IL1RAP: variants seen among roughly 807,000 people sequenced by gnomAD.
IL1RAP encodes the protein interleukin 1 receptor accessory protein.
In IL1RAP, 35 loss-of-function variants were observed where a neutral mutation model predicts 60.7. The observed-to-expected ratio is 0.58, with a 90% CI of 0.44 to 0.76. The LOEUF (loss-of-function observed/expected upper bound fraction) is 0.76, where lower values mean the gene tolerates loss of function less well. Among genes scored for constraint, IL1RAP ranks in the 30% least tolerant of loss-of-function variants. The pLI, the probability that IL1RAP is intolerant of heterozygous loss-of-function variation, is 0.00. For missense variants in IL1RAP, 572 were observed against 693.9 expected (o/e 0.82, Z 1.97); for synonymous variants, 268 against 250.9 (o/e 1.07, Z -0.64).
At chr3:190,561,015 A>G (rs1725841331) in intron 2 of IL1RAP, among the ~76,000 whole-genome samples, 1 of 152,158 alleles carries the variant, frequency 6.6e-6, no homozygotes, top group Non-Finnish European at 1.5e-5. Context: ...AATGCAGGAA[A>G]GGCTGGGAAG....
chr3:190,656,623 G>C (rs1424123611), exon 12 of IL1RAP: 5 of 1,429,922 alleles, frequency 3.5e-6, no homozygotes, highest in East Asian at 2.5e-5. Flanking sequence ...GTGTGTGGTG[G>C]GTGGTGGCTA....
intron 5 of IL1RAP, among the ~76,000 whole-genome samples, chr3:190,618,068 T>G (rs757741322): frequency 6.6e-5 from 10 of 152,208 alleles, no homozygotes; most frequent in Non-Finnish European, 1.5e-4. Flanking sequence ...TTAGCCTGTT[T>G]TAAGTGATAG....
At chr3:190,525,052 A>G (rs1722395090) in intron 1 of IL1RAP, among the ~76,000 whole-genome samples, 2 of 152,144 alleles carry the variant, frequency 1.3e-5, no homozygotes, top group Admixed American at 6.6e-5. Context: ...TTATCTATAT[A>G]TTTAGGAGTT....
At chr3:190,593,904 T>C (rs1333469177) in intron 3 of IL1RAP, among the ~76,000 whole-genome samples, 1 of 152,184 alleles carries the variant, frequency 6.6e-6, no homozygotes, top group Non-Finnish European at 1.5e-5. Context: ...TATAGGATAC[T>C]GCTAGAAAAA....
intron 3 of IL1RAP, among the ~76,000 whole-genome samples, chr3:190,603,812 G>A (rs1277886627): frequency 2.0e-5 from 3 of 152,112 alleles, no homozygotes; most frequent in African/African-American, 7.2e-5. Context: ...ACCATTCTCT[G>A]TTCCACAAAG....
chr3:190,600,085 C>T (rs1677993435), intron 3 of IL1RAP, among the ~76,000 whole-genome samples: 1 of 151,860 alleles, frequency 6.6e-6, no homozygotes, highest in Non-Finnish European at 1.5e-5. Context: ...AGATGATCTG[C>T]TCAGATTTAA....
At chr3:190,534,669 G>A (rs1247616565) in intron 1 of IL1RAP, among the ~76,000 whole-genome samples, 1 of 152,050 alleles carries the variant, frequency 6.6e-6, no homozygotes, top group Non-Finnish European at 1.5e-5. Flanking sequence ...GATACAAATG[G>A]TATGTTATTT....
intron 1 of IL1RAP, among the ~76,000 whole-genome samples, chr3:190,539,486 G>C (rs539797390): frequency 1.4e-4 from 21 of 151,980 alleles, no homozygotes; most frequent in Admixed American, 1.4e-3. Flanking sequence ...ACTTCCCCTG[G>C]TATTGCTGTT....
chr3:190,629,430 G>A lies in IL1RAP; in HGVS notation c.983G>A (p.Arg328His), dbSNP rs142111398. 1.9e-5 allele frequency: 30 copies of A among 1,613,628 alleles called. No individual in the cohort carries two copies. The highest frequency in any genetic ancestry group is 2.2e-5 in the East Asian group (1 of 44,870). Residue 328 changes from arginine to histidine, a missense_variant, in exon 9 of 12, where the codon CGC becomes CAC. Physicochemically the swap from Arg to His is conservative, Grantham distance 29. Coordinates refer to ENST00000447382, the MANE Select transcript of IL1RAP (RefSeq NM_002182.4). ...IKKVTSEDLKRSYVCHARSAK... is the reference protein window; with the variant it reads ...IKKVTSEDLKHSYVCHARSAK... Reference sequence around the variant, plus strand: ...AAAGTTACCTCTGAGGATCTCAAGCGCAGCTATGTCTGTCATGCTAGAAGT... The same window carrying A: ...AAAGTTACCTCTGAGGATCTCAAGCACAGCTATGTCTGTCATGCTAGAAGT...
chr3:190,545,832 G>A (rs1361535600), intron 1 of IL1RAP, among the ~76,000 whole-genome samples: 2 of 152,142 alleles, frequency 1.3e-5, no homozygotes, highest in African/African-American at 2.4e-5. Flanking sequence ...ATCCCTGCTA[G>A]GGTATGTATA....
intron 4 of IL1RAP, among the ~76,000 whole-genome samples, chr3:190,607,487 G>A (rs78799322): frequency 6.8e-4 from 104 of 152,172 alleles, no homozygotes; most frequent in African/African-American, 2.0e-3. Context: ...GAGGATAAGC[G>A]TACGTATCTA....
At chr3:190,623,567 T>A (rs1395194947) in intron 7 of IL1RAP, 152 bp downstream of exon 7, 2 of 667,516 alleles carry the variant, frequency 3.0e-6, no homozygotes, top group East Asian at 5.5e-5. Context: ...GCTGTGGAGA[T>A]CAGTTACTTC....
chr3:190,577,069 C>T (rs1727542829), intron 3 of IL1RAP, among the ~76,000 whole-genome samples: 1 of 149,758 alleles, frequency 6.7e-6, no homozygotes. Context: ...CCACCGCACT[C>T]CCGCCTGGGC....
At chr3:190,546,070 T>C (rs766649487) in intron 1 of IL1RAP, among the ~76,000 whole-genome samples, 1 of 152,134 alleles carries the variant, frequency 6.6e-6, no homozygotes, top group Non-Finnish European at 1.5e-5. Flanking sequence ...ATCGGTATGA[T>C]TAGCAGCTGC....
At chr3:190,652,907 T>A (rs568075340), downstream of IL1RAP, among the ~76,000 whole-genome samples, 10 of 152,290 alleles carry the variant, frequency 6.6e-5, no homozygotes, top group African/African-American at 1.9e-4. Context: ...TGATTAACCT[T>A]CCTTAAACTC....
At chr3:190,642,824 G>C (rs914907134) in intron 9 of IL1RAP, among the ~76,000 whole-genome samples, 1 of 152,118 alleles carries the variant, frequency 6.6e-6, no homozygotes, top group Non-Finnish European at 1.5e-5. Context: ...CTGGCAAATG[G>C]TAGATGTCAA....
intron 1 of IL1RAP, chr3:190,518,805 C>T (rs1266484940): frequency 6.6e-6 from 1 of 152,236 alleles, no homozygotes; most frequent in Non-Finnish European, 1.5e-5. Context: ...TGGGACAGAC[C>T]TACCCCACAT....
chr3:190,563,356 C>G (rs999082847), intron 2 of IL1RAP: 1 of 152,130 alleles, frequency 6.6e-6, no homozygotes, highest in Non-Finnish European at 1.5e-5. Flanking sequence ...CTGTTACCTT[C>G]GACACAGAAA....
At chr3:190,562,706 A>T (rs1577599176) in intron 2 of IL1RAP, among the ~76,000 whole-genome samples, 1 of 65,344 alleles carries the variant, frequency 1.5e-5, no homozygotes, top group Admixed American at 2.1e-4. Flanking sequence ...ACACACACAC[A>T]CACACACACA....
Sources: gnomAD v4.1 joint callset for allele counts (sites outside exome capture counted in the v4.1 genomes callset) on GRCh38, gnomAD v4.1.1 for gene constraint, MANE v1.5 for transcripts, NCBI Gene and HGNC (gene_info 2026-07-23, HGNC 2026-07-21) for gene names.